Variants in LGSN observed in about 807,000 individuals in gnomAD.
LGSN encodes lengsin.
Under a neutral mutation model 19.5 loss-of-function variants are expected in LGSN, and 21 were observed. The ratio of observed to expected loss-of-function variants is 1.07; its 90% CI spans 0.76 to 1.55. The LOEUF is 1.55. LGSN is among the 40% of genes most tolerant of loss of function. The pLI is 0.00. For synonymous variants in LGSN, 257 were observed against 215.6 expected (o/e 1.19, Z -1.68); for missense variants, 673 against 608.5 (o/e 1.11, Z -1.12).
the LGSN span, among the ~76,000 whole-genome samples, chr6:63,356,234 A>T: frequency 6.6e-6 from 1 of 152,180 alleles, no homozygotes; most frequent in Non-Finnish European, 1.5e-5. Flanking sequence ...CATAGTCCAC[A>T]TTTAAAAAAA....
chr6:63,523,096 C>T, the LGSN span, among the ~76,000 whole-genome samples: 1 of 151,816 alleles, frequency 6.6e-6, no homozygotes, highest in Non-Finnish European at 1.5e-5. Context: ...AAACTCCTGA[C>T]CTCAAGTGAC....
the LGSN span, among the ~76,000 whole-genome samples, chr6:63,505,723 A>T: frequency 6.6e-6 from 1 of 152,180 alleles, no homozygotes. Context: ...GCAATGGCAC[A>T]GTCTCGGCTC....
At chr6:63,291,764 A>C (rs1425401830) in intron 2 of LGSN, among the ~76,000 whole-genome samples, 1 of 152,236 alleles carries the variant, frequency 6.6e-6, no homozygotes, top group Non-Finnish European at 1.5e-5. Context: ...TTTCGGTATC[A>C]GTAGGCAGAA....
the LGSN span, among the ~76,000 whole-genome samples, chr6:63,532,163 A>T: frequency 6.6e-6 from 1 of 152,260 alleles, no homozygotes; most frequent in African/African-American, 2.4e-5. Flanking sequence ...AGAAAAAATT[A>T]GAAATAACAA....
chr6:63,421,498 G>C, the LGSN span, among the ~76,000 whole-genome samples: 1 of 151,954 alleles, frequency 6.6e-6, no homozygotes, highest in African/African-American at 2.4e-5. Flanking sequence ...GGGAGGCCGA[G>C]GCAGGCAGAT....
chr6:63,502,025 C>T, the LGSN span, among the ~76,000 whole-genome samples: 1 of 152,154 alleles, frequency 6.6e-6, no homozygotes, highest in Non-Finnish European at 1.5e-5. Context: ...GTCTTGAACT[C>T]CTGGGCTCAA....
chr6:63,432,027 G>A, the LGSN span, among the ~76,000 whole-genome samples: 9 of 150,684 alleles, frequency 6.0e-5, no homozygotes, highest in Non-Finnish European at 1.2e-4. Context: ...AGTGAGCAAA[G>A]ATCATGCCAC....
At chr6:63,451,994 ACT>A in the LGSN span, among the ~76,000 whole-genome samples, 1 of 150,148 alleles carries the variant, frequency 6.7e-6, no homozygotes, top group Non-Finnish European at 1.5e-5. Context: ...GGAAAAAAAT[ACT>A]CTGTTAAGAA....
At chr6:63,329,235 C>T in the LGSN span, among the ~76,000 whole-genome samples, 7 of 152,198 alleles carry the variant, frequency 4.6e-5, no homozygotes, top group East Asian at 1.2e-3. Context: ...TCCCTAAACC[C>T]TTGGGGCAAG....
chr6:63,341,764 A>G, the LGSN span, among the ~76,000 whole-genome samples: 1 of 152,126 alleles, frequency 6.6e-6, no homozygotes, highest in Non-Finnish European at 1.5e-5. Context: ...CCTAACATCT[A>G]AAACCCTTCC....
At chr6:63,475,883 G>A in the LGSN span, among the ~76,000 whole-genome samples, 1 of 152,148 alleles carries the variant, frequency 6.6e-6, no homozygotes, top group Non-Finnish European at 1.5e-5. Flanking sequence ...TGAAATTCTG[G>A]CAGGCCCAAG....
chr6:63,530,590 C>A, the LGSN span, among the ~76,000 whole-genome samples: 1 of 151,978 alleles, frequency 6.6e-6, no homozygotes, highest in African/African-American at 2.4e-5. Context: ...AACATGGAGG[C>A]CCTTCTGTGC....
the LGSN span, among the ~76,000 whole-genome samples, chr6:63,485,503 C>T: frequency 6.6e-6 from 1 of 152,124 alleles, no homozygotes; most frequent in African/African-American, 2.4e-5. Flanking sequence ...TATATGCGTA[C>T]ATGTGTCTTT....
intron 1 of LGSN, among the ~76,000 whole-genome samples, chr6:63,317,814 C>T (rs1366479171): frequency 6.6e-6 from 1 of 152,158 alleles, no homozygotes; most frequent in Non-Finnish European, 1.5e-5. Context: ...GCATTCATTC[C>T]TTCTGTGATA....
chr6:63,455,818 T>C, the LGSN span, among the ~76,000 whole-genome samples: 2 of 152,120 alleles, frequency 1.3e-5, no homozygotes, highest in East Asian at 1.9e-4. Context: ...CTCAGGATTA[T>C]CATCCCAGCA....
chr6:63,456,979 C>T, the LGSN span, among the ~76,000 whole-genome samples: 2 of 152,170 alleles, frequency 1.3e-5, no homozygotes, highest in Non-Finnish European at 2.9e-5. Context: ...ACTGCTTCTC[C>T]ACCTTAATAT....
At chr6:63,466,587 A>T in the LGSN span, among the ~76,000 whole-genome samples, 1 of 152,232 alleles carries the variant, frequency 6.6e-6, no homozygotes. Flanking sequence ...TGGTAAGGAA[A>T]ATGTTAAAAA....
the LGSN span, among the ~76,000 whole-genome samples, chr6:63,325,598 T>C: frequency 6.6e-6 from 1 of 152,140 alleles, no homozygotes; most frequent in East Asian, 1.9e-4. Context: ...TCAGTAATAA[T>C]GTGTCCGGAA....
the LGSN span, among the ~76,000 whole-genome samples, chr6:63,361,249 C>T: frequency 6.6e-6 from 1 of 152,240 alleles, no homozygotes; most frequent in African/African-American, 2.4e-5. Flanking sequence ...GCCCTGCCCC[C>T]TGAGGTGGAG....
Sources: gnomAD v4.1 joint callset for allele counts (sites outside exome capture counted in the v4.1 genomes callset) on GRCh38, gnomAD v4.1.1 for gene constraint, MANE v1.5 for transcripts, NCBI Gene and HGNC (gene_info 2026-07-23, HGNC 2026-07-21) for gene names.